The following TAF2 variants were observed in gnomAD, a reference collection of about 807,000 sequenced individuals.
The protein encoded by TAF2 is transcription initiation factor TFIID subunit 2.
In TAF2, 61 loss-of-function variants were observed where a neutral mutation model predicts 138.5. That is an observed-to-expected ratio of 0.44 (90% CI 0.36 to 0.54). The LOEUF (loss-of-function observed/expected upper bound fraction) is 0.54. Ranked by LOEUF, TAF2 falls within the 20% of genes least tolerant of loss-of-function variation. The pLI, the probability that TAF2 is intolerant of heterozygous loss-of-function variation, is 0.00. For synonymous variants in TAF2, 475 were observed against 469.9 expected (o/e 1.01, Z -0.14); for missense variants, 1,090 against 1,427.9 (o/e 0.76, Z 3.81).
chr8:119,831,125 CA>C (rs1826417786), intron 2 of TAF2, among the ~76,000 whole-genome samples: 1 of 152,082 alleles, frequency 6.6e-6, no homozygotes, highest in Admixed American at 6.6e-5. Context: ...AACAAACAAA[CA>C]AAAAACTTGA....
chr8:119,798,854 C>T (rs573250500), intron 6 of TAF2, among the ~76,000 whole-genome samples: 51 of 152,024 alleles, frequency 3.4e-4, no homozygotes, highest in Admixed American at 5.9e-4. Context: ...AATCAGGGCC[C>T]AAATTTGTAT....
chr8:119,743,578 T>C (rs967217449), intron 24 of TAF2, among the ~76,000 whole-genome samples: 1 of 152,142 alleles, frequency 6.6e-6, no homozygotes, highest in African/African-American at 2.4e-5. Flanking sequence ...AAAAAGCTTA[T>C]GATATAAACT....
chr8:119,798,137 A>G (rs1459497585), intron 6 of TAF2, among the ~76,000 whole-genome samples: 1 of 152,166 alleles, frequency 6.6e-6, no homozygotes, highest in Non-Finnish European at 1.5e-5. Flanking sequence ...TCTCATAGGT[A>G]CACATAATAA....
At chr8:119,798,330 G>A (rs1823978472) in intron 6 of TAF2, among the ~76,000 whole-genome samples, 1 of 152,144 alleles carries the variant, frequency 6.6e-6, no homozygotes. Context: ...CTGCAGAAAA[G>A]TTTACTGGTA....
chr8:119,821,060 C>T (rs1825777266), intron 2 of TAF2, among the ~76,000 whole-genome samples: 1 of 152,134 alleles, frequency 6.6e-6, no homozygotes, highest in African/African-American at 2.4e-5. Context: ...TTGGGTGGGA[C>T]ATAAGAACAG....
At chr8:119,805,996 C>T (rs1824611691) in intron 4 of TAF2, among the ~76,000 whole-genome samples, 1 of 151,854 alleles carries the variant, frequency 6.6e-6, no homozygotes, top group Non-Finnish European at 1.5e-5. Context: ...TCTCCACCTC[C>T]TGGGTTCAAG....
chr8:119,815,169 C>T (rs1347695954), intron 3 of TAF2, among the ~76,000 whole-genome samples: 2 of 151,712 alleles, frequency 1.3e-5, no homozygotes, highest in East Asian at 4.0e-4. Context: ...GTAATCCCAG[C>T]TACTCGGGAG....
intron 25 of TAF2, among the ~76,000 whole-genome samples, chr8:119,735,868 T>C (rs1170983355): frequency 6.6e-6 from 1 of 152,118 alleles, no homozygotes; most frequent in African/African-American, 2.4e-5. Flanking sequence ...AGGCGGGTGA[T>C]AAGAAGTAAT....
chr8:119,753,897 T>C lies in TAF2; in HGVS notation c.2878+2109A>G, dbSNP rs116246360. Among the ~76,000 whole-genome samples the C allele has an allele frequency of 3.2e-3, 488 of 152,332 alleles. 2 individuals are homozygous for C. Among genetic ancestry groups the C allele is most frequent in the African/African-American group, 5.2e-3 (216 of 41,588 alleles). ...CAGAGTGAGTGCCACATATGAACTG[T>C]TGAATGAACCTTTATAAGTTCCTGA... On this transcript the variant is annotated intron_variant, in intron 22 of 25. Transcript: ENST00000378164.
intron 11 of TAF2, 86 bp from the exon 12 acceptor site, chr8:119,789,832 G>A: frequency 7.6e-7 from 1 of 1,308,342 alleles, no homozygotes; most frequent in Non-Finnish European, 1.1e-6. Context: ...TAACTTTATT[G>A]TAGTCAATTA....
At chr8:119,773,945 GT>G (rs1413440879) in intron 18 of TAF2, among the ~76,000 whole-genome samples, 1 of 151,708 alleles carries the variant, frequency 6.6e-6, no homozygotes, top group African/African-American at 2.4e-5. Context: ...GCCAAGGCGG[GT>G]GGATCACGAG....
intron 22 of TAF2, among the ~76,000 whole-genome samples, chr8:119,748,235 G>A (rs979533591): frequency 2.6e-5 from 4 of 151,702 alleles, no homozygotes; most frequent in African/African-American, 9.7e-5. Context: ...TTAAAAAGGA[G>A]AAACAAAAAG....
At chr8:119,828,226 T>C (rs1826222969) in intron 2 of TAF2, among the ~76,000 whole-genome samples, 1 of 152,084 alleles carries the variant, frequency 6.6e-6, no homozygotes, top group Non-Finnish European at 1.5e-5. Context: ...GTTCAGCATG[T>C]TGAGAGGTCC....
chr8:119,759,770 T>TGCA (rs1384717279), intron 20 of TAF2, among the ~76,000 whole-genome samples: 14 of 152,140 alleles, frequency 9.2e-5, no homozygotes, highest in South Asian at 2.1e-4. Context: ...ACATAAGAGA[T>TGCA]GCAGCTTTAA....
At chr8:119,750,757 C>A (rs544457293) in intron 22 of TAF2, among the ~76,000 whole-genome samples, 3 of 152,296 alleles carry the variant, frequency 2.0e-5, no homozygotes, top group African/African-American at 7.2e-5. Context: ...TGAAACCTGG[C>A]AAATCCTATC....
intron 16 of TAF2, among the ~76,000 whole-genome samples, chr8:119,782,378 A>T (rs1010291501): frequency 6.6e-6 from 1 of 152,240 alleles, no homozygotes; most frequent in Non-Finnish European, 1.5e-5. Flanking sequence ...CTAAGATTTT[A>T]GCATACAGGG....
At chr8:119,762,376 T>C (rs1383668587) in intron 19 of TAF2, 39 bp downstream of exon 19, 5 of 1,584,242 alleles carry the variant, frequency 3.2e-6, no homozygotes, top group Admixed American at 1.7e-5. Context: ...TTTACAGTTA[T>C]AAGAACATAT....
chr8:119,742,942 G>A (rs1050427316), intron 24 of TAF2, among the ~76,000 whole-genome samples: 13 of 151,728 alleles, frequency 8.6e-5, no homozygotes, highest in African/African-American at 2.7e-4. Flanking sequence ...GGTGGTGCGC[G>A]CCTGTAGTCC....
rs369567138 is a variant in TAF2, at chr8:119,806,205, T to C, written c.418+78A>G. 8.5e-5 allele frequency: 102 copies of C among 1,197,846 alleles called. 1 individual carries two copies. The East Asian group carries it at 1.0e-3, about 12-fold the overall frequency. The allele number at this position is 1,197,846 out of a possible 1,614,324, so 74.2% of individuals were successfully genotyped here. On this transcript the variant is annotated intron_variant, in intron 4 of 25. Transcript: ENST00000378164. ...GCATGAGGCACAGTGCCTGCATCAT[T>C]AGTTCTCATGTAAAATTCTCTAGTG...
Sources: gnomAD v4.1 joint callset for allele counts (sites outside exome capture counted in the v4.1 genomes callset) on GRCh38, gnomAD v4.1.1 for gene constraint, MANE v1.5 for transcripts, NCBI Gene and HGNC (gene_info 2026-07-23, HGNC 2026-07-21) for gene names.